The following GPC6 variants were observed in gnomAD, a reference collection of about 807,000 sequenced individuals.
The protein encoded by GPC6 is glypican-6.
Under a neutral mutation model 55.2 loss-of-function variants are expected in GPC6, and 14 were observed. That is an observed-to-expected ratio of 0.25 (90% confidence interval 0.17 to 0.40). The LOEUF (loss-of-function observed/expected upper bound fraction) is 0.40, where lower values mean the gene tolerates loss of function less well. Ranked by LOEUF, GPC6 falls within the 10% of genes least tolerant of loss-of-function variation. The probability of loss-of-function intolerance (pLI) is 1.00; values close to 1 mark genes in which losing one functional copy is unlikely to be tolerated. For synonymous variants in GPC6, 278 were observed against 259.6 expected (o/e 1.07, Z -0.68); for missense variants, 641 against 708.5 (o/e 0.90, Z 1.08).
intron 4 of GPC6, among the ~76,000 whole-genome samples, chr13:94,102,165 T>G (rs1049392514): frequency 6.6e-6 from 1 of 152,148 alleles, no homozygotes; most frequent in Non-Finnish European, 1.5e-5. Context: ...TTTATCTTGG[T>G]GCTTCTTATC....
intron 2 of GPC6, among the ~76,000 whole-genome samples, chr13:93,570,514 C>A (rs1051891428): frequency 6.6e-5 from 10 of 152,066 alleles, no homozygotes; most frequent in African/African-American, 2.4e-4. Flanking sequence ...TATAAATAGT[C>A]ATTTTTGAAT....
intron 3 of GPC6, among the ~76,000 whole-genome samples, chr13:93,901,572 A>T (rs754468087): frequency 9.9e-5 from 15 of 152,122 alleles, no homozygotes; most frequent in Non-Finnish European, 2.1e-4. Context: ...TAGAGTACAG[A>T]TCCCTTTAAC....
At chr13:93,637,281 A>G (rs1879739347) in intron 2 of GPC6, among the ~76,000 whole-genome samples, 1 of 152,108 alleles carries the variant, frequency 6.6e-6, no homozygotes. Flanking sequence ...GAATGTTATT[A>G]TGTGTGGCAT....
chr13:93,654,528 A>C (rs1415209960), intron 2 of GPC6, among the ~76,000 whole-genome samples: 2 of 151,972 alleles, frequency 1.3e-5, no homozygotes, highest in Non-Finnish European at 2.9e-5. Flanking sequence ...GGGTTTCACC[A>C]TGTTGGCCAG....
At position 93,677,821 on chromosome 13, in the gene GPC6, C is replaced by G. The variant is rs573141589; in HGVS notation, c.319+132400C>G. Reference sequence around the variant, plus strand: ...GTAAGATAATTTCTATAAAGCATATCAACTTGTTGAGCAGGCATTACACTG... The same window carrying G: ...GTAAGATAATTTCTATAAAGCATATGAACTTGTTGAGCAGGCATTACACTG... On this transcript the variant is annotated intron_variant, in intron 2 of 8. Transcript: ENST00000377047. Among the ~76,000 whole-genome samples, 8 of 152,184 alleles carry G rather than the reference C, an allele frequency of 5.3e-5. No homozygotes were observed. The South Asian group carries it at 1.7e-3, about 32-fold the overall frequency.
intron 2 of GPC6, among the ~76,000 whole-genome samples, chr13:93,767,676 T>G (rs1885165311): frequency 6.6e-6 from 1 of 152,096 alleles, no homozygotes; most frequent in Admixed American, 6.6e-5. Flanking sequence ...TTGGAAACAC[T>G]CTTGCACTGA....
At chr13:94,249,024 C>T (rs1478726344) in intron 4 of GPC6, among the ~76,000 whole-genome samples, 1 of 152,074 alleles carries the variant, frequency 6.6e-6, no homozygotes, top group African/African-American at 2.4e-5. Context: ...GAATCAGGAG[C>T]AGCTTTCTGG....
chr13:93,253,973 A>G (rs1442736480), intron 1 of GPC6, among the ~76,000 whole-genome samples: 1 of 152,226 alleles, frequency 6.6e-6, no homozygotes, highest in Non-Finnish European at 1.5e-5. Flanking sequence ...AATGGTGATC[A>G]TTCTACCACT....
At chr13:93,749,199 T>C (rs1466046125) in intron 2 of GPC6, among the ~76,000 whole-genome samples, 1 of 152,072 alleles carries the variant, frequency 6.6e-6, no homozygotes, top group Admixed American at 6.6e-5. Context: ...GGAATTTTCT[T>C]AAGTGTACTT....
chr13:93,936,045 A>G (rs1566611570), intron 3 of GPC6, among the ~76,000 whole-genome samples: 1 of 152,300 alleles, frequency 6.6e-6, no homozygotes, highest in Middle Eastern at 3.4e-3. Context: ...GACACAAACA[A>G]CAGTAAAATA....
intron 2 of GPC6, among the ~76,000 whole-genome samples, chr13:93,700,763 C>A (rs1215284167): frequency 3.9e-5 from 6 of 152,112 alleles, no homozygotes; most frequent in Admixed American, 3.9e-4. Context: ...GATGCTTAAA[C>A]CCAAGTTTTC....
At position 94,406,425 on chromosome 13, in the gene GPC6, G is replaced by T. The variant is rs1881369553; in HGVS notation, c.*3208G>T. 6.6e-6 allele frequency: 1 copy of T among 152,070 alleles called. No individual in the cohort carries two copies. Among genetic ancestry groups the T allele is most frequent in the Admixed American group, 6.6e-5 (1 of 15,252 alleles). The allele number at this position is 152,070 out of a possible 1,614,324, so 9.4% of individuals were successfully genotyped here. The stretch of plus-strand genomic sequence containing the variant: ...AGGCCAAGTTGGTACTTTGATTATA[G>T]CCATCGTAGAACATTAGCACTAGAA... On this transcript the variant is annotated 3_prime_UTR_variant, in exon 9 of 9. Coordinates refer to ENST00000377047, the MANE Select transcript of GPC6 (RefSeq NM_005708.5).
intron 1 of GPC6, among the ~76,000 whole-genome samples, chr13:93,344,691 C>T (rs1317233394): frequency 6.6e-6 from 1 of 152,064 alleles, no homozygotes; most frequent in Non-Finnish European, 1.5e-5. Context: ...GTTGACAATC[C>T]CTGAGCCTTT....
chr13:94,320,875 A>G (rs1400844235), intron 6 of GPC6, among the ~76,000 whole-genome samples: 1 of 152,250 alleles, frequency 6.6e-6, no homozygotes, highest in Non-Finnish European at 1.5e-5. Context: ...GGAGGCATGT[A>G]CAAGGTAACT....
intron 2 of GPC6, among the ~76,000 whole-genome samples, chr13:93,618,778 T>C (rs775300650): frequency 3.9e-5 from 6 of 152,180 alleles, no homozygotes; most frequent in Non-Finnish European, 7.4e-5. Flanking sequence ...AATTAAGGTA[T>C]ACAAGGATTT....
intron 5 of GPC6, among the ~76,000 whole-genome samples, chr13:94,297,230 A>C (rs1875388855): frequency 2.0e-5 from 3 of 152,156 alleles, no homozygotes; most frequent in South Asian, 4.1e-4. Context: ...TCTTGGGAGC[A>C]GGGACGTGTC....
In GPC6 at chr13:93,830,174, G is replaced by A. The variant is rs1482824333; in HGVS notation, c.340G>A (p.Glu114Lys). ...TGCAGAATTTTTCCGAGAGCTCCTGGAGAATGCAGAAAAGTCACTAAATGA... is the reference window on the plus strand; with the variant it reads ...TGCAGAATTTTTCCGAGAGCTCCTGAAGAATGCAGAAAAGTCACTAAATGA... ...KFDEFFRELL[E>K]NAEKSLNDMF... is the part of the protein sequence containing the mutation. The change falls in exon 3 of 9, where the codon GAG becomes AAG. Residue 114 changes from glutamate (E) to lysine (K), a missense_variant. Physicochemically the swap from Glu to Lys is moderately conservative, Grantham distance 56. Transcript: ENST00000377047. The A allele has an allele frequency of 4.4e-6, 7 of 1,607,148 alleles. No individual in the cohort carries two copies. The highest frequency in any genetic ancestry group is 1.7e-4 in the Middle Eastern group (1 of 5,998).
chr13:94,294,229 A>G (rs1180761248), intron 5 of GPC6, among the ~76,000 whole-genome samples: 1 of 152,164 alleles, frequency 6.6e-6, no homozygotes, highest in Non-Finnish European at 1.5e-5. Context: ...TATTCGGAAT[A>G]ATTTCAAACC....
chr13:93,273,766 A>G (rs1877630540), intron 1 of GPC6, among the ~76,000 whole-genome samples: 1 of 152,130 alleles, frequency 6.6e-6, no homozygotes, highest in Admixed American at 6.5e-5. Context: ...ACTCCCTTTA[A>G]GATCAACTGA....
Sources: allele counts gnomAD v4.1 joint callset (sites outside exome capture counted in the v4.1 genomes callset), GRCh38; gene constraint gnomAD v4.1.1; transcripts MANE v1.5; gene names NCBI Gene and HGNC (gene_info 2026-07-23, HGNC 2026-07-21).